The following FGFR1 variants were observed in gnomAD, a reference collection of about 807,000 sequenced individuals.
FGFR1 encodes the protein fibroblast growth factor receptor 1, also known as FGFR1/PLAG1 fusion.
Under a neutral mutation model 93.7 loss-of-function variants are expected in FGFR1, and 18 were observed. The ratio of observed to expected loss-of-function variants is 0.19; its 90% CI spans 0.13 to 0.28. The LOEUF (loss-of-function observed/expected upper bound fraction) is 0.28. Among genes scored for constraint, FGFR1 ranks in the 10% least tolerant of loss-of-function variants. FGFR1 has a pLI of 1.00. For missense variants in FGFR1, 731 were observed against 1,080.4 expected, an observed-to-expected ratio of 0.68 and a Z score of 4.53; for synonymous variants, 448 against 429.3, an observed-to-expected ratio of 1.04 and a Z score of -0.54.
At chr8:38,414,498 C>T (rs1815578319) in intron 15 of FGFR1, 61 bp downstream of exon 15, 1 of 1,592,474 alleles carries the variant, frequency 6.3e-7, no homozygotes, top group Non-Finnish European at 8.6e-7. Context: ...GAAAGCAGGA[C>T]TCTACAGTGC....
At chr8:38,458,312 G>A (rs1243283420) in intron 1 of FGFR1, among the ~76,000 whole-genome samples, 2 of 152,078 alleles carry the variant, frequency 1.3e-5, no homozygotes, top group Non-Finnish European at 2.9e-5. Flanking sequence ...AGGCTAAGGT[G>A]GGCAGATCAT....
intron 2 of FGFR1, among the ~76,000 whole-genome samples, chr8:38,453,495 T>A (rs1399712365): frequency 2.0e-5 from 3 of 152,140 alleles, no homozygotes; most frequent in African/African-American, 7.2e-5. Flanking sequence ...GTCAGTAAGG[T>A]GTGGAGCCAA....
intron 2 of FGFR1, among the ~76,000 whole-genome samples, chr8:38,441,940 T>C (rs1010285656): frequency 1.3e-5 from 2 of 152,174 alleles, no homozygotes; most frequent in Non-Finnish European, 2.9e-5. Flanking sequence ...CCCAAGTCTA[T>C]CTGTGTTTGC....
rs200846866 is a variant in FGFR1 at position 38,429,719 on chromosome 8, C to G, written c.321G>C (p.Ser107=). The G allele has an allele frequency of 6.3e-7, 1 of 1,576,116 alleles. No individual in the cohort carries two copies. Among genetic ancestry groups the G allele is most frequent in the Non-Finnish European group, 8.6e-7 (1 of 1,160,586 alleles). ...GLYACVTSSP[S]GSDTTYFSVN... is the part of the protein sequence containing the mutation. ...CGGAGAAGTAGGTGGTGTCACTGCC[C>G]GAGGGGCTGCTGGTTACGCAAGCAT... Residue 107 remains serine, a synonymous_variant, in exon 3 of 18, where the codon TCG becomes TCC. Transcript: ENST00000447712. The surrounding 1 kb of genome is among the most constrained non-coding windows in gnomAD (Gnocchi z 4.4).
chr8:38,464,732 C>G (rs1291752898), intron 1 of FGFR1, among the ~76,000 whole-genome samples: 1 of 152,176 alleles, frequency 6.6e-6, no homozygotes, highest in Non-Finnish European at 1.5e-5. Flanking sequence ...ATTAAACTAT[C>G]AAGTGATGTG....
At chr8:38,422,331 C>A in intron 7 of FGFR1, 1 of 445,064 alleles carries the variant, frequency 2.2e-6, no homozygotes, top group South Asian at 2.1e-5. Context: ...CAGACACACA[C>A]ATGCACACGC....
At chr8:38,428,950 C>T (rs1821804503) in intron 3 of FGFR1, 1 of 305,920 alleles carries the variant, frequency 3.3e-6, no homozygotes. Context: ...ACCCACCACC[C>T]CAGCAGCTGC....
In FGFR1 at chr8:38,411,163, T is replaced by G; in HGVS notation, c.*2465A>C. The G allele has an allele frequency of 5.1e-6, 1 of 195,726 alleles. No homozygotes were observed. Among genetic ancestry groups the G allele is most frequent in the Non-Finnish European group, 1.1e-5 (1 of 94,108 alleles). The allele number at this position is 195,726 out of a possible 1,614,324, so 12.1% of individuals were successfully genotyped here. A position where few individuals can be genotyped will look rare whatever the true frequency, so the allele number is the denominator to read the frequency against. ...TCAGGTCAATTTCACTGTCTTTTAT[T>G]TGACAGCTAGCGCAGTCTTTGGGGA... On this transcript the variant is annotated 3_prime_UTR_variant, in exon 18 of 18. Coordinates refer to ENST00000447712, the MANE Select transcript of FGFR1 (RefSeq NM_023110.3).
chr8:38,461,277 G>T, intron 1 of FGFR1: 1 of 664,544 alleles, frequency 1.5e-6, no homozygotes, highest in Non-Finnish European at 2.5e-6. Flanking sequence ...ACCTATGAAT[G>T]TCAGATCTCC....
intron 1 of FGFR1, among the ~76,000 whole-genome samples, chr8:38,461,479 C>T (rs1834397711): frequency 6.6e-6 from 1 of 152,098 alleles, no homozygotes. Flanking sequence ...GGCTAATTTT[C>T]TGTATATTTA....
chr8:38,415,704 C>A, intron 13 of FGFR1, 166 bp downstream of exon 13: 1 of 743,844 alleles, frequency 1.3e-6, no homozygotes, highest in African/African-American at 1.7e-5. Context: ...CACTGGTGCT[C>A]CTGACTCTGC....
chr8:38,459,645 T>C (rs889679725), intron 1 of FGFR1, among the ~76,000 whole-genome samples: 8 of 152,130 alleles, frequency 5.3e-5, no homozygotes, highest in Non-Finnish European at 1.0e-4. Context: ...TTATTCCTTT[T>C]ATGCAATGGA....
At chr8:38,414,066 A>C in intron 16 of FGFR1, 43 bp from the exon 17 acceptor site, 1 of 1,613,572 alleles carries the variant, frequency 6.2e-7, no homozygotes. Flanking sequence ...CTGGAGATGG[A>C]TACTCTCTAG....
intron 5 of FGFR1, among the ~76,000 whole-genome samples, chr8:38,427,298 G>T (rs534068662): frequency 6.6e-5 from 10 of 151,844 alleles, no homozygotes; most frequent in African/African-American, 2.4e-4. Flanking sequence ...TTGTTTTTTG[G>T]AGACAGAGTC....
intron 2 of FGFR1, chr8:38,435,191 A>G (rs1563539340): frequency 6.6e-6 from 1 of 152,226 alleles, no homozygotes; most frequent in Middle Eastern, 3.4e-3. Context: ...TTAATTGTCC[A>G]AAATGTCCAA....
intron 2 of FGFR1, among the ~76,000 whole-genome samples, chr8:38,452,933 C>G (rs181508950): frequency 3.3e-5 from 5 of 152,150 alleles, no homozygotes; most frequent in African/African-American, 1.2e-4. Context: ...GCCAAGATCA[C>G]GCCACTGCAC....
At position 38,446,371 on chromosome 8, in the gene FGFR1, C is replaced by T. The variant is rs113237068; in HGVS notation, c.91+10985G>A. On this transcript the variant is annotated intron_variant, in intron 2 of 17. Transcript: ENST00000447712. Reference sequence around the variant, plus strand: ...GATTACAGGCGCCCGCCACCACACCCGGCTAGTTTTTTGTATTTTAGTAGA... The same window carrying T: ...GATTACAGGCGCCCGCCACCACACCTGGCTAGTTTTTTGTATTTTAGTAGA... Among the ~76,000 whole-genome samples the T allele has an allele frequency of 6.4e-3, 977 of 152,088 alleles. 12 individuals carry two copies. Among genetic ancestry groups the T allele is most frequent in the African/African-American group, 0.022 (925 of 41,444 alleles).
chr8:38,418,122 T>C lies in FGFR1; in HGVS notation c.1430+106A>G. 7 of 1,606,838 alleles carry C rather than the reference T, an allele frequency of 4.4e-6. No homozygotes were observed. The South Asian group carries it at 7.7e-5, about 18-fold the overall frequency. ...AGTGGAATGAATGTTTCTGCAGGCATTTCATGAACCTTCACCGCCCAGAAG... is the reference window on the plus strand; with the variant it reads ...AGTGGAATGAATGTTTCTGCAGGCACTTCATGAACCTTCACCGCCCAGAAG... On this transcript the variant is annotated intron_variant, in intron 10 of 17. Transcript: ENST00000447712.
At chr8:38,442,127 A>G (rs1430011915) in intron 2 of FGFR1, among the ~76,000 whole-genome samples, 1 of 152,162 alleles carries the variant, frequency 6.6e-6, no homozygotes, top group Non-Finnish European at 1.5e-5. Flanking sequence ...CTATTTTGGG[A>G]AAAGAAGTTG....
Sources: allele counts gnomAD v4.1 joint callset (sites outside exome capture counted in the v4.1 genomes callset), GRCh38; gene constraint gnomAD v4.1.1; non-coding constraint Gnocchi (gnomAD v3.1); transcripts MANE v1.5; gene names NCBI Gene and HGNC (gene_info 2026-07-23, HGNC 2026-07-21).